Variants in SH2D1B observed in about 807,000 individuals in gnomAD.
The protein encoded by SH2D1B is SH2 domain-containing protein 1B.
SH2D1B carries 11 observed loss-of-function variants against 16.3 expected under a neutral mutation model. That is an observed-to-expected ratio of 0.67 (90% CI 0.42 to 1.11). The LOEUF is 1.11. Among genes scored for constraint, SH2D1B ranks in the 50% most tolerant of loss-of-function variants. SH2D1B has a pLI of 0.00. For missense variants in SH2D1B, 123 were observed against 153.1 expected (o/e 0.80, Z 1.04); for synonymous variants, 55 against 56.1 (o/e 0.98, Z 0.09).
chr1:162,397,001 C>A lies in SH2D1B; in HGVS notation c.*279G>T. On this transcript the variant is annotated 3_prime_UTR_variant, in exon 4 of 4. Coordinates refer to ENST00000367929, the MANE Select transcript of SH2D1B (RefSeq NM_053282.5). The stretch of plus-strand genomic sequence containing the variant: ...GTGTCAACCATGATGTAGGGTGGTA[C>A]CTTTAACAAGTCAAAGGGAAAATGT... The A allele has an allele frequency of 2.3e-6, 1 of 429,118 alleles. No homozygotes were observed. The allele number at this position is 429,118 out of a possible 1,614,324, so 26.6% of individuals were successfully genotyped here.
intron 1 of SH2D1B, among the ~76,000 whole-genome samples, chr1:162,410,749 C>A (rs1303396943): frequency 1.3e-5 from 2 of 150,780 alleles, no homozygotes; most frequent in African/African-American, 4.9e-5. Flanking sequence ...CTCCACCACC[C>A]GGGTTCAAGT....
In SH2D1B at chr1:162,402,783, T is replaced by C; in HGVS notation, c.154A>G (p.Thr52Ala). The change falls in exon 2 of 4, where the codon ACA (threonine) becomes GCA (alanine). Residue 52 changes from threonine to alanine, a missense_variant. Transcript: ENST00000367929. ...TGTTTCTCTCTGAAGATTCGGTATG[T>C]GTAGACAATATTTTTAAACCTGTGG... is the stretch of plus-strand genomic sequence containing the variant. ...LCVSFKNIVY[T>A]YRIFREKHGY... The C allele has an allele frequency of 6.2e-7, 1 of 1,614,006 alleles. No homozygotes were observed. Among genetic ancestry groups the C allele is most frequent in the Non-Finnish European group, 8.5e-7 (1 of 1,179,828 alleles).
At chr1:162,398,776 A>G in intron 3 of SH2D1B, 147 bp downstream of exon 3, 2 of 967,876 alleles carry the variant, frequency 2.1e-6, no homozygotes, top group East Asian at 2.7e-5. Flanking sequence ...GCACTTCTCA[A>G]CAAAATGGAA....
At chr1:162,397,620 G>A (rs1404445447) in intron 3 of SH2D1B, among the ~76,000 whole-genome samples, 1 of 152,214 alleles carries the variant, frequency 6.6e-6, no homozygotes, top group African/African-American at 2.4e-5. Context: ...GGGAATGGGA[G>A]GAAGAGGTTG....
rs781110517 is a variant in SH2D1B at position 162,408,967 on chromosome 1, G to A, written c.134+2916C>T. Among the ~76,000 whole-genome samples, 38 of 151,910 alleles carry A rather than the reference G, an allele frequency of 2.5e-4. 1 individual carries two copies. Among genetic ancestry groups the A allele is most frequent in the Middle Eastern group, 6.8e-3 (2 of 294 alleles). On this transcript the variant is annotated intron_variant, in intron 1 of 3. Coordinates refer to ENST00000367929, the MANE Select transcript of SH2D1B (RefSeq NM_053282.5). The stretch of plus-strand genomic sequence containing the variant: ...TACAAAAAATTTAAACATTAACCAG[G>A]CATGGTAGTGCGCACCTGTAGTCCC...
chr1:162,403,107 G>C (rs951984093), intron 1 of SH2D1B, among the ~76,000 whole-genome samples: 1 of 151,860 alleles, frequency 6.6e-6, no homozygotes, highest in African/African-American at 2.4e-5. Context: ...AAAGGATATA[G>C]AGAAAGGAAA....
At chr1:162,401,891 T>C (rs1360737794) in intron 2 of SH2D1B, among the ~76,000 whole-genome samples, 1 of 152,238 alleles carries the variant, frequency 6.6e-6, no homozygotes, top group African/African-American at 2.4e-5. Flanking sequence ...GATTCTCTGT[T>C]AGCAGTTATG....
At position 162,396,983 on chromosome 1, in the gene SH2D1B, C is replaced by G. The variant is rs1051413034; in HGVS notation, c.*297G>C. 5.4e-6 allele frequency: 2 copies of G among 367,840 alleles called. No individual in the cohort carries two copies. The highest frequency in any genetic ancestry group is 1.0e-5 in the Non-Finnish European group (2 of 194,952). 22.8% of individuals were successfully genotyped at this position (367,840 alleles called of 1,614,324 possible). On this transcript the variant is annotated 3_prime_UTR_variant, in exon 4 of 4. Coordinates refer to ENST00000367929, the MANE Select transcript of SH2D1B (RefSeq NM_053282.5). ...TGCATGGTCCAAAGGAGGGTGTCAA[C>G]CATGATGTAGGGTGGTACCTTTAAC... is the stretch of plus-strand genomic sequence containing the variant.
chr1:162,407,247 A>G (rs1002992886), intron 1 of SH2D1B, among the ~76,000 whole-genome samples: 11 of 152,214 alleles, frequency 7.2e-5, no homozygotes, highest in Non-Finnish European at 1.6e-4. Flanking sequence ...AGTACAAAAC[A>G]GAGAAATTTT....
intron 2 of SH2D1B, among the ~76,000 whole-genome samples, chr1:162,400,113 T>C (rs1453443654): frequency 2.0e-5 from 3 of 152,210 alleles, no homozygotes; most frequent in African/African-American, 7.2e-5. Flanking sequence ...AATATGCATT[T>C]TGTATACTTT....
intron 1 of SH2D1B, 56 bp from the exon 2 acceptor site, chr1:162,402,858 C>A: frequency 1.4e-6 from 2 of 1,383,826 alleles, no homozygotes; most frequent in Non-Finnish European, 2.1e-6. Flanking sequence ...CAGGTAACAT[C>A]TATCGTTATG....
chr1:162,407,181 G>A (rs1358094570), intron 1 of SH2D1B, among the ~76,000 whole-genome samples: 6 of 152,164 alleles, frequency 3.9e-5, no homozygotes, highest in East Asian at 1.9e-4. Flanking sequence ...ATATTTCAAC[G>A]TAGGTTCTTT....
chr1:162,399,505 T>G (rs1255411028), intron 2 of SH2D1B, among the ~76,000 whole-genome samples: 5 of 152,178 alleles, frequency 3.3e-5, no homozygotes, highest in Admixed American at 2.0e-4. Flanking sequence ...AAATTCCAAC[T>G]GTTATTTTAA....
At chr1:162,402,685 G>A (rs984510671) in intron 2 of SH2D1B, 54 bp downstream of exon 2, 20 of 1,467,222 alleles carry the variant, frequency 1.4e-5, no homozygotes, top group East Asian at 4.5e-5. Flanking sequence ...ATGTTCCCAG[G>A]TTCTTCTCCC....
At chr1:162,399,947 C>A (rs1173257580) in intron 2 of SH2D1B, among the ~76,000 whole-genome samples, 1 of 152,124 alleles carries the variant, frequency 6.6e-6, no homozygotes, top group Admixed American at 6.6e-5. Context: ...GGCTGGTTCT[C>A]TTTATTGGCT....
At chr1:162,407,967 G>C (rs1648689419) in intron 1 of SH2D1B, among the ~76,000 whole-genome samples, 1 of 152,174 alleles carries the variant, frequency 6.6e-6, no homozygotes, top group South Asian at 2.1e-4. Context: ...TAAAGTCTCA[G>C]CTCCAATATC....
At chr1:162,401,945 G>A (rs892588280) in intron 2 of SH2D1B, among the ~76,000 whole-genome samples, 2 of 152,166 alleles carry the variant, frequency 1.3e-5, no homozygotes, top group Admixed American at 6.5e-5. Context: ...AAATTTAAAA[G>A]AAGCAAAATG....
chr1:162,399,171 G>C, intron 2 of SH2D1B, 84 bp from the exon 3 acceptor site: 2 of 1,361,180 alleles, frequency 1.5e-6, no homozygotes, highest in South Asian at 2.9e-5. Context: ...TGGGTTTTCA[G>C]GGCTGCCCTT....
intron 1 of SH2D1B, among the ~76,000 whole-genome samples, chr1:162,405,838 G>A (rs1648642610): frequency 6.6e-6 from 1 of 152,242 alleles, no homozygotes; most frequent in Non-Finnish European, 1.5e-5. Context: ...AGCTTTCAAA[G>A]TGATCGTTCC....
Sources: allele counts gnomAD v4.1 joint callset (sites outside exome capture counted in the v4.1 genomes callset), GRCh38; gene constraint gnomAD v4.1.1; transcripts MANE v1.5; gene names NCBI Gene and HGNC (gene_info 2026-07-23, HGNC 2026-07-21).